SEMA3A: variants seen among roughly 807,000 people sequenced by gnomAD.
The protein encoded by SEMA3A is semaphorin-3A.
Under a neutral mutation model 97.9 loss-of-function variants are expected in SEMA3A, and 29 were observed. That is an observed-to-expected ratio of 0.30 (90% CI 0.22 to 0.40). The LOEUF (loss-of-function observed/expected upper bound fraction) is 0.40. Ranked by LOEUF, SEMA3A falls within the 10% of genes least tolerant of loss-of-function variation. SEMA3A has a pLI of 1.00. For synonymous variants in SEMA3A, 321 were observed against 323.7 expected, an observed-to-expected ratio of 0.99 and a Z score of 0.09; for missense variants, 763 against 951.3, an observed-to-expected ratio of 0.80 and a Z score of 2.60.
At chr7:84,355,116 T>C (rs2116039349) in intron 2 of SEMA3A, among the ~76,000 whole-genome samples, 1 of 151,874 alleles carries the variant, frequency 6.6e-6, no homozygotes, top group East Asian at 1.9e-4. Flanking sequence ...AATATGAGAG[T>C]AAAAACTGCT....
At chr7:84,437,761 A>G (rs1805174464) in intron 1 of SEMA3A, among the ~76,000 whole-genome samples, 1 of 151,988 alleles carries the variant, frequency 6.6e-6, no homozygotes, top group African/African-American at 2.4e-5. Flanking sequence ...GCAAATATTT[A>G]ATAGAACATC....
In SEMA3A at chr7:84,117,469, G is replaced by A. The variant is rs368713246; in HGVS notation, c.334-6880C>T. Among the ~76,000 whole-genome samples the A allele has an allele frequency of 5.3e-5, 8 of 152,230 alleles. No homozygotes were observed. The East Asian group carries it at 1.5e-3, about 29-fold the overall frequency. On this transcript the variant is annotated intron_variant, in intron 3 of 16. Transcript: ENST00000265362. ...TCCAGGCAGACTGGTACCAGTCAGG[G>A]TCCTGTTAAGAACAGGCTGCACAGC...
chr7:84,440,226 A>G (rs1277830915), intron 1 of SEMA3A, among the ~76,000 whole-genome samples: 2 of 152,306 alleles, frequency 1.3e-5, no homozygotes, highest in East Asian at 3.9e-4. Flanking sequence ...GATGGCTTAC[A>G]TCTTTCAGGG....
At chr7:83,994,922 C>A (rs1021150923) in intron 12 of SEMA3A, among the ~76,000 whole-genome samples, 3 of 152,114 alleles carry the variant, frequency 2.0e-5, no homozygotes, top group African/African-American at 7.2e-5. Flanking sequence ...AGCCTAGCTG[C>A]CGCCTTGCAG....
At chr7:84,355,584 T>A (rs867199343) in intron 2 of SEMA3A, among the ~76,000 whole-genome samples, 38 of 151,996 alleles carry the variant, frequency 2.5e-4, no homozygotes, top group African/African-American at 9.1e-4. Context: ...AATCAGAACC[T>A]ACATAACTCT....
At chr7:84,372,717 C>T (rs1176090056) in intron 1 of SEMA3A, among the ~76,000 whole-genome samples, 1 of 152,196 alleles carries the variant, frequency 6.6e-6, no homozygotes, top group South Asian at 2.1e-4. Context: ...TTCATAGTAC[C>T]CCGTGACCAA....
intron 3 of SEMA3A, among the ~76,000 whole-genome samples, chr7:84,221,835 G>A (rs1422337807): frequency 6.6e-6 from 1 of 151,930 alleles, no homozygotes; most frequent in Non-Finnish European, 1.5e-5. Flanking sequence ...TTGAAATATT[G>A]CAAGAATTAC....
At chr7:84,098,524 A>T (rs1445437134) in intron 4 of SEMA3A, among the ~76,000 whole-genome samples, 1 of 152,102 alleles carries the variant, frequency 6.6e-6, no homozygotes, top group Non-Finnish European at 1.5e-5. Context: ...TTATTAAAAC[A>T]CAACTCCCAG....
intron 3 of SEMA3A, among the ~76,000 whole-genome samples, chr7:84,273,017 C>T (rs966769828): frequency 6.6e-6 from 1 of 151,982 alleles, no homozygotes. Context: ...GCATGCCAAC[C>T]TTTATCAAAT....
intron 1 of SEMA3A, among the ~76,000 whole-genome samples, chr7:84,406,244 A>C (rs889437935): frequency 2.0e-5 from 3 of 152,172 alleles, no homozygotes; most frequent in African/African-American, 7.2e-5. Flanking sequence ...AGAAATACAA[A>C]CTACCATCAG....
At chr7:84,285,575 T>C (rs1210308191) in intron 3 of SEMA3A, among the ~76,000 whole-genome samples, 1 of 152,176 alleles carries the variant, frequency 6.6e-6, no homozygotes, top group Non-Finnish European at 1.5e-5. Context: ...TAAATCTTTA[T>C]TACTTTTAAA....
At chr7:84,232,604 T>A (rs1219140587) in intron 3 of SEMA3A, among the ~76,000 whole-genome samples, 2 of 151,884 alleles carry the variant, frequency 1.3e-5, no homozygotes, top group Non-Finnish European at 2.9e-5. Flanking sequence ...TTTCACATAT[T>A]CTTTTCTTCA....
intron 1 of SEMA3A, among the ~76,000 whole-genome samples, chr7:84,158,947 G>A: frequency 6.6e-6 from 1 of 151,620 alleles, no homozygotes; most frequent in Non-Finnish European, 1.5e-5. Flanking sequence ...TATATAATAG[G>A]TCACAGCTCA....
chr7:84,435,501 G>A (rs562059266), intron 1 of SEMA3A, among the ~76,000 whole-genome samples: 11 of 152,200 alleles, frequency 7.2e-5, no homozygotes, highest in Admixed American at 2.6e-4. Context: ...CCAGCTACTC[G>A]GGTGGTTGAG....
intron 3 of SEMA3A, among the ~76,000 whole-genome samples, chr7:84,306,799 G>A (rs1376998746): frequency 6.6e-6 from 1 of 152,120 alleles, no homozygotes; most frequent in Non-Finnish European, 1.5e-5. Flanking sequence ...CTGGATGATA[G>A]TAACCATATG....
At chr7:84,235,992 G>A (rs1015611708) in intron 3 of SEMA3A, among the ~76,000 whole-genome samples, 2 of 151,986 alleles carry the variant, frequency 1.3e-5, no homozygotes, top group Non-Finnish European at 1.5e-5. Flanking sequence ...AACCTCACTG[G>A]ATGATTCTCA....
chr7:84,297,637 A>G (rs1292762271), intron 3 of SEMA3A, among the ~76,000 whole-genome samples: 1 of 152,264 alleles, frequency 6.6e-6, no homozygotes, highest in East Asian at 1.9e-4. Flanking sequence ...CTGCTGCTCT[A>G]TAATTATTTC....
At chr7:84,375,443 ATCT>A (rs1246507911) in intron 1 of SEMA3A, among the ~76,000 whole-genome samples, 6 of 152,136 alleles carry the variant, frequency 3.9e-5, no homozygotes, top group African/African-American at 4.8e-5. Context: ...AGTCACTAAA[ATCT>A]TCTTCAGTAT....
chr7:84,391,209 G>A (rs988728433), intron 1 of SEMA3A, among the ~76,000 whole-genome samples: 1 of 152,188 alleles, frequency 6.6e-6, no homozygotes, highest in Non-Finnish European at 1.5e-5. Flanking sequence ...TATAAGCCAT[G>A]CCTACATATC....
Sources: allele counts gnomAD v4.1 joint callset (sites outside exome capture counted in the v4.1 genomes callset), GRCh38; gene constraint gnomAD v4.1.1; transcripts MANE v1.5; gene names NCBI Gene and HGNC (gene_info 2026-07-23, HGNC 2026-07-21).